The following BCL9 variants were observed in gnomAD, a reference collection of about 807,000 sequenced individuals.
BCL9 encodes the protein B-cell CLL/lymphoma 9 protein.
A neutral mutation model predicts 88.5 loss-of-function variants in BCL9; 25 were observed. That is an observed-to-expected ratio of 0.28 (90% confidence interval 0.21 to 0.39). The LOEUF is 0.39. BCL9 is among the 10% of genes least tolerant of loss of function. The pLI is 1.00. For synonymous variants in BCL9, 711 were observed against 673.3 expected (o/e 1.06, Z -0.87); for missense variants, 1,817 against 1,877.8 (o/e 0.97, Z 0.60).
chr1:147,553,954 A>G (rs980542802), intron 1 of BCL9, among the ~76,000 whole-genome samples: 1 of 152,150 alleles, frequency 6.6e-6, no homozygotes, highest in Non-Finnish European at 1.5e-5. Context: ...GAAACAGCTC[A>G]TACTCACTGA....
intron 4 of BCL9, 65 bp downstream of exon 4, chr1:147,611,954 C>T: frequency 6.8e-7 from 1 of 1,468,364 alleles, no homozygotes. Context: ...ATCATGAACA[C>T]TCATTGGTGA....
In BCL9 at chr1:147,611,821, C is replaced by T; in HGVS notation, c.-16C>T. 1.2e-6 allele frequency: 2 copies of T among 1,613,886 alleles called. No individual in the cohort carries two copies. The highest frequency in any genetic ancestry group is 1.7e-6 in the Non-Finnish European group (2 of 1,179,758). ...AGCCTGTCCCGTTTGTGACTGCAAG[C>T]TCAGGATTTCAATCAATGCATTCCA... On this transcript the variant is annotated 5_prime_UTR_variant, in exon 4 of 10. Transcript: ENST00000234739.
intron 1 of BCL9, among the ~76,000 whole-genome samples, chr1:147,569,466 T>C (rs1265211273): frequency 1.8e-4 from 2 of 11,134 alleles, no homozygotes; most frequent in Non-Finnish European, 3.4e-4. Flanking sequence ...CTGTCTCTAC[T>C]AAAATACAAA....
intron 1 of BCL9, among the ~76,000 whole-genome samples, chr1:147,600,026 C>T (rs2101587698): frequency 6.6e-6 from 1 of 150,484 alleles, no homozygotes; most frequent in Non-Finnish European, 1.5e-5. Flanking sequence ...GGGGAGGGGG[C>T]ACCCTCCGCT....
At position 147,614,414 on chromosome 1, in the gene BCL9, T is replaced by C. The variant is rs782103104; in HGVS notation, c.371-13T>C. On this transcript the variant is annotated splice_polypyrimidine_tract_variant and intron_variant, in intron 5 of 9. Coordinates refer to ENST00000234739, the MANE Select transcript of BCL9 (RefSeq NM_004326.4). Reference sequence around the variant, plus strand: ...TTTTATTCTTTCTGTGACGAGTCATTTTATTCTTTTAGAATGTAATTCTGC... The same window carrying C: ...TTTTATTCTTTCTGTGACGAGTCATCTTATTCTTTTAGAATGTAATTCTGC... 2.5e-5 allele frequency: 40 copies of C among 1,612,536 alleles called. No individual in the cohort carries two copies. In the Admixed American group the frequency reaches 6.5e-4, roughly 26 times the overall value.
At chr1:147,622,161 C>T (rs1352949946) in intron 8 of BCL9, 110 bp from the exon 9 acceptor site, 18 of 1,405,074 alleles carry the variant, frequency 1.3e-5, no homozygotes, top group Admixed American at 1.8e-5. Context: ...TAACACTGTC[C>T]TGTTCATCTG....
chr1:147,625,791 C>T lies in BCL9; in HGVS notation c.*832C>T, dbSNP rs1658915129. The T allele has an allele frequency of 4.3e-6, 1 of 232,950 alleles. No individual in the cohort carries two copies. Among genetic ancestry groups the T allele is most frequent in the Admixed American group, 5.6e-5 (1 of 17,748 alleles). The allele number at this position is 232,950 out of a possible 1,614,324, so 14.4% of individuals were successfully genotyped here. ...GCCCCCCGCTGGTGACCCTCTGCTTCCCTCTCTCTTTCCCTTTGGCAGCTG... is the reference window on the plus strand; with the variant it reads ...GCCCCCCGCTGGTGACCCTCTGCTTTCCTCTCTCTTTCCCTTTGGCAGCTG... On this transcript the variant is annotated 3_prime_UTR_variant, in exon 10 of 10. Transcript: ENST00000234739.
At chr1:147,574,883 C>A (rs1656039357) in intron 1 of BCL9, among the ~76,000 whole-genome samples, 1 of 152,094 alleles carries the variant, frequency 6.6e-6, no homozygotes, top group African/African-American at 2.4e-5. Context: ...CAGCTCTGAG[C>A]CAAAGGCATT....
chr1:147,611,841 A>G lies in BCL9; in HGVS notation c.5A>G (p.His2Arg), dbSNP rs1553202635. 6.2e-7 allele frequency: 1 copy of G among 1,614,180 alleles called. No homozygotes were observed. The highest frequency in any genetic ancestry group is 2.2e-5 in the East Asian group (1 of 44,870). Residue 2 changes from histidine to arginine, a missense_variant, in exon 4 of 10, where the codon CAT (histidine) becomes CGT (arginine). This residue lies in a region of BCL9 where 1,228 missense variants were observed against 1,191.6 expected (regional missense o/e 1.03). Transcript: ENST00000234739. The part of the protein sequence containing the change: M[H>R]SSNPKVRSSP... ...GCAAGCTCAGGATTTCAATCAATGC[A>G]TTCCAGTAACCCTAAAGTGAGGAGC...
intron 1 of BCL9, among the ~76,000 whole-genome samples, chr1:147,593,261 T>G (rs1353690320): frequency 2.0e-5 from 3 of 152,240 alleles, no homozygotes; most frequent in Admixed American, 6.5e-5. Context: ...TCAAATAATG[T>G]ATCTCCTATG....
chr1:147,578,925 G>A (rs1165273524), intron 1 of BCL9, among the ~76,000 whole-genome samples: 1 of 151,868 alleles, frequency 6.6e-6, no homozygotes, highest in African/African-American at 2.4e-5. Flanking sequence ...GAGTGCAATG[G>A]CACGATCTCG....
intron 1 of BCL9, among the ~76,000 whole-genome samples, chr1:147,595,261 T>A (rs1402327784): frequency 6.6e-6 from 1 of 152,218 alleles, no homozygotes; most frequent in African/African-American, 2.4e-5. Flanking sequence ...ATTAGAAATT[T>A]CCGTGGCCAG....
At position 147,619,113 on chromosome 1, in the gene BCL9, G is replaced by A. The variant is rs1255211746; in HGVS notation, c.958G>A (p.Gly320Arg). The part of the protein sequence containing the change: ...NNRAVTPVSQ[G>R]SNSSSADPKA... ...TAGGGCAGTGACCCCTGTCTCCCAG[G>A]GGAGCAATAGCTCTTCAGCAGATCC... Residue 320 changes from glycine to arginine, a missense_variant, in exon 8 of 10, where the codon GGG becomes AGG. Transcript: ENST00000234739. The surrounding 1 kb of genome is among the most constrained non-coding windows in gnomAD (Gnocchi z 4.1). 3 of 1,613,730 alleles carry A rather than the reference G, an allele frequency of 1.9e-6. No individual in the cohort carries two copies. Among genetic ancestry groups the A allele is most frequent in the African/African-American group, 1.3e-5 (1 of 74,912 alleles).
At position 147,615,921 on chromosome 1, in the gene BCL9, T is replaced by A. The variant is rs3737843; in HGVS notation, c.660+19T>A. 0.48 allele frequency: 765,598 copies of A among 1,589,482 alleles called. 193,787 individuals are homozygous for A. Among genetic ancestry groups the A allele is most frequent in the Non-Finnish European group, 0.52 (602,592 of 1,158,398 alleles). ...GCCTCTGGTATGTTGTTTCAGAAAC[T>A]GAGTAATGGTTTAATGATTCTACAG... On this transcript the variant is annotated intron_variant, in intron 7 of 9. Coordinates refer to ENST00000234739, the MANE Select transcript of BCL9 (RefSeq NM_004326.4).
At chr1:147,543,704 T>C (rs782026770) in intron 1 of BCL9, among the ~76,000 whole-genome samples, 4 of 152,126 alleles carry the variant, frequency 2.6e-5, no homozygotes, top group African/African-American at 4.8e-5. Flanking sequence ...TATTCCATCA[T>C]GTTATAGATG....
intron 1 of BCL9, among the ~76,000 whole-genome samples, chr1:147,587,183 C>A (rs2101562555): frequency 6.6e-6 from 1 of 152,184 alleles, no homozygotes; most frequent in East Asian, 1.9e-4. Flanking sequence ...CCCCCATAGC[C>A]GCTAAGTCAC....
rs1553206242 is a variant in BCL9 at position 147,624,785 on chromosome 1, C to T, written c.4107C>T (p.Tyr1369=). 1.9e-6 allele frequency: 3 copies of T among 1,614,154 alleles called. No individual in the cohort carries two copies. The highest frequency in any genetic ancestry group is 1.3e-5 in the African/African-American group (1 of 75,038). The change falls in exon 10 of 10, where the codon TAC becomes TAT. Residue 1369 remains tyrosine, a synonymous_variant. Transcript: ENST00000234739. This position sits in a 1 kb window ranked among gnomAD's most constrained non-coding sequence, Gnocchi z 4.4. ...AGGATCGGGGGCCTGCCGGGCTCTACACCCACCCTGGGCCTGTGGGCTCTC... is the reference window on the plus strand; with the variant it reads ...AGGATCGGGGGCCTGCCGGGCTCTATACCCACCCTGGGCCTGTGGGCTCTC... The part of the protein sequence containing the change: ...PGKDRGPAGL[Y]THPGPVGSPG...
intron 1 of BCL9, among the ~76,000 whole-genome samples, chr1:147,600,016 G>C (rs1402475612): frequency 6.6e-6 from 1 of 151,058 alleles, no homozygotes; most frequent in African/African-American, 2.4e-5. Flanking sequence ...TCGGGCCGGT[G>C]GGGAGGGGGC....
At position 147,620,701 on chromosome 1, in the gene BCL9, C is replaced by T; in HGVS notation, c.2546C>T (p.Ser849Phe). The change falls in exon 8 of 10, where the codon TCT becomes TTT. Residue 849 changes from serine to phenylalanine, a missense_variant. Ser to Phe is a radical substitution (Grantham distance 155). This residue lies in a region of BCL9 where 1,228 missense variants were observed against 1,191.6 expected (regional missense o/e 1.03). Coordinates refer to ENST00000234739, the MANE Select transcript of BCL9 (RefSeq NM_004326.4). The stretch of plus-strand genomic sequence containing the variant: ...CTGGGGCGGAAGCCCTTGGATATAT[C>T]TGTGGCAGGCAGCCAGGTGCATTCC... ...RGLGRKPLDI[S>F]VAGSQVHSPG... 6.2e-7 allele frequency: 1 copy of T among 1,614,202 alleles called. No homozygotes were observed.
Sources: gnomAD v4.1 joint callset for allele counts (sites outside exome capture counted in the v4.1 genomes callset) on GRCh38, gnomAD v4.1.1 for gene constraint, gnomAD v4.1.1 regional missense constraint, Gnocchi (gnomAD v3.1) non-coding constraint, MANE v1.5 for transcripts, NCBI Gene and HGNC (gene_info 2026-07-23, HGNC 2026-07-21) for gene names.